Variants in MBP observed in about 807,000 individuals in gnomAD.
The protein encoded by MBP is Golli-MBP.
MBP carries 16 observed loss-of-function variants against 35.8 expected under a neutral mutation model. The ratio of observed to expected loss-of-function variants is 0.45; its 90% CI spans 0.30 to 0.68. The LOEUF (loss-of-function observed/expected upper bound fraction) is 0.68, where lower values mean the gene tolerates loss of function less well. Among genes scored for constraint, MBP ranks in the 30% least tolerant of loss-of-function variants. The pLI, the probability that MBP is intolerant of heterozygous loss-of-function variation, is 0.08. For missense variants in MBP, 380 were observed against 404.7 expected, an observed-to-expected ratio of 0.94 and a Z score of 0.52; for synonymous variants, 143 against 159.6, an observed-to-expected ratio of 0.90 and a Z score of 0.78.
chr18:77,092,297 C>T (rs1324943926), intron 2 of MBP, among the ~76,000 whole-genome samples: 1 of 152,184 alleles, frequency 6.6e-6, no homozygotes, highest in Non-Finnish European at 1.5e-5. Flanking sequence ...TCCCTCTGTC[C>T]CTCGCGGGGG....
chr18:76,983,303 A>T (rs145174460), intron 8 of MBP: 1 of 152,342 alleles, frequency 6.6e-6, no homozygotes, highest in East Asian at 1.9e-4. Context: ...AGCAACACCT[A>T]GTTCGCCCTT....
chr18:76,994,811 A>T (rs957149637), intron 4 of MBP, among the ~76,000 whole-genome samples: 11 of 152,236 alleles, frequency 7.2e-5, no homozygotes, highest in Non-Finnish European at 1.5e-5. Flanking sequence ...TAGGCTGTTT[A>T]GTTCACTTTT....
intron 2 of MBP, among the ~76,000 whole-genome samples, chr18:77,073,368 G>A (rs988395755): frequency 6.6e-6 from 1 of 152,186 alleles, no homozygotes; most frequent in African/African-American, 2.4e-5. Context: ...TGCTCATGAA[G>A]GAATGAGATT....
Position 77,082,795 on chromosome 18 carries a change from C to G in MBP, c.52-16410G>C, listed in dbSNP as rs139663918. ...GTGGTCTGGGGGACGCCATGTGGCTCAGAAGGATGAAGAATCCTTCCTCCC... is the reference window on the plus strand; with the variant it reads ...GTGGTCTGGGGGACGCCATGTGGCTGAGAAGGATGAAGAATCCTTCCTCCC... On this transcript the variant is annotated intron_variant, in intron 2 of 8. Transcript: ENST00000355994. Among the ~76,000 whole-genome samples the G allele has an allele frequency of 2.9e-5, 4 of 137,076 alleles. No homozygotes were observed. In the East Asian group the frequency reaches 6.5e-4, roughly 22 times the overall value. 89.9% of individuals were successfully genotyped at this position (137,076 alleles called of 152,430 possible). A position where few individuals can be genotyped will look rare whatever the true frequency, so the allele number is the denominator to read the frequency against.
At chr18:77,076,653 T>C (rs1145362) in intron 2 of MBP, among the ~76,000 whole-genome samples, 150,370 of 152,362 alleles carry the variant, frequency 0.99, 74,231 homozygotes, top group Middle Eastern at 1. Context: ...GTCCTTCCAC[T>C]CTTCCTGACC....
At chr18:77,097,836 G>A (rs553732599) in intron 2 of MBP, among the ~76,000 whole-genome samples, 7 of 152,296 alleles carry the variant, frequency 4.6e-5, no homozygotes, top group Non-Finnish European at 7.4e-5. Flanking sequence ...GGTATTAGGG[G>A]GACACCTGGA....
chr18:76,981,264 GTCTC>G (rs1969183334), intron 8 of MBP: 1 of 152,178 alleles, frequency 6.6e-6, no homozygotes, highest in Non-Finnish European at 1.5e-5. Context: ...TCAAAGTTTA[GTCTC>G]TCTCCTTGGG....
At chr18:77,029,218 G>C (rs993572185) in intron 3 of MBP, among the ~76,000 whole-genome samples, 18 of 145,130 alleles carry the variant, frequency 1.2e-4, no homozygotes, top group South Asian at 4.5e-4. Flanking sequence ...AGACCAGCCC[G>C]GCCAACACAG....
chr18:77,070,928 G>A (rs1974417886), intron 2 of MBP, among the ~76,000 whole-genome samples: 1 of 152,250 alleles, frequency 6.6e-6, no homozygotes, highest in African/African-American at 2.4e-5. Flanking sequence ...CGTAGCTGGA[G>A]TGTCCAGCCA....
intron 2 of MBP, among the ~76,000 whole-genome samples, chr18:77,089,510 C>T (rs1975415628): frequency 2.0e-5 from 3 of 152,212 alleles, no homozygotes; most frequent in Non-Finnish European, 4.4e-5. Context: ...TCCAGAAGCC[C>T]TGAGGGGCAG....
At chr18:77,121,297 G>A (rs952276930) in intron 1 of MBP, among the ~76,000 whole-genome samples, 1 of 143,812 alleles carries the variant, frequency 7.0e-6, no homozygotes, top group Admixed American at 7.3e-5. Flanking sequence ...GCAACAGAGG[G>A]AGACTGTGTC....
intron 4 of MBP, among the ~76,000 whole-genome samples, chr18:76,999,186 G>A (rs6565925): frequency 0.29 from 44,553 of 151,928 alleles, 6,982 homozygotes; most frequent in Non-Finnish European, 0.36. Flanking sequence ...ACGCAAGCTG[G>A]GTGGGGCACT....
At chr18:77,072,860 C>A (rs537944966) in intron 2 of MBP, among the ~76,000 whole-genome samples, 2 of 152,330 alleles carry the variant, frequency 1.3e-5, no homozygotes, top group African/African-American at 4.8e-5. Context: ...ATTATGAGGA[C>A]TGCAAATGGC....
rs372257802 is a variant in MBP, at chr18:77,093,331, A to G, written c.51+11880T>C. 313 of 152,490 alleles carry G rather than the reference A, an allele frequency of 2.1e-3. 1 individual carries two copies. The highest frequency in any genetic ancestry group is 0.014 in the Middle Eastern group (4 of 294). 9.4% of individuals were successfully genotyped at this position (152,490 alleles called of 1,614,324 possible). A position where few individuals can be genotyped will look rare whatever the true frequency, so the allele number is the denominator to read the frequency against. On this transcript the variant is annotated intron_variant, in intron 2 of 8. Coordinates refer to ENST00000355994, the MANE Select transcript of MBP (RefSeq NM_001025101.2). Reference sequence around the variant, plus strand: ...GAAGGCGGCATGAGGAGAGAGCCGCAGGTGGGGCGTGTGCACAAAGTGCAG... The same window carrying G: ...GAAGGCGGCATGAGGAGAGAGCCGCGGGTGGGGCGTGTGCACAAAGTGCAG...
chr18:76,990,197 A>G, intron 4 of MBP, 137 bp from the exon 5 acceptor site: 1 of 602,612 alleles, frequency 1.7e-6, no homozygotes, highest in Non-Finnish European at 3.0e-6. Flanking sequence ...TTTATTAAGG[A>G]CTATTGTGAT....
rs561623463 is a variant in MBP, at chr18:77,082,847, C to T, written c.52-16462G>A. 4.3e-3 allele frequency among the ~76,000 whole-genome samples: 662 copies of T among 152,376 alleles called. 9 individuals carry two copies. Among genetic ancestry groups the T allele is most frequent in the African/African-American group, 0.016 (648 of 41,582 alleles). ...GCAGCAGCTGGCTGTCATAGGTGGT[C>T]TAGGGAATGCCATGTGGTTCAGTGC... is the stretch of plus-strand genomic sequence containing the variant. On this transcript the variant is annotated intron_variant, in intron 2 of 8. Coordinates refer to ENST00000355994, the MANE Select transcript of MBP (RefSeq NM_001025101.2).
At chr18:76,983,831 C>G (rs980267881) in intron 8 of MBP, 2 of 152,306 alleles carry the variant, frequency 1.3e-5, no homozygotes, top group East Asian at 1.9e-4. Context: ...CGCTGCTGGG[C>G]AGAGCACACC....
chr18:77,129,949 T>C (rs1361929177), intron 1 of MBP, among the ~76,000 whole-genome samples: 2 of 150,490 alleles, frequency 1.3e-5, no homozygotes, highest in Non-Finnish European at 2.9e-5. Context: ...CTGGGGAGGC[T>C]GAGGCAGGAG....
chr18:77,037,662 C>G (rs934870754), intron 3 of MBP, among the ~76,000 whole-genome samples: 1 of 152,206 alleles, frequency 6.6e-6, no homozygotes, highest in Non-Finnish European at 1.5e-5. Context: ...TATTTACCAG[C>G]CTTCGCCTTT....
Sources: gnomAD v4.1 joint callset for allele counts (sites outside exome capture counted in the v4.1 genomes callset) on GRCh38, gnomAD v4.1.1 for gene constraint, MANE v1.5 for transcripts, NCBI Gene and HGNC (gene_info 2026-07-23, HGNC 2026-07-21) for gene names.